The following DOCK3 variants were observed in gnomAD, a reference collection of about 807,000 sequenced individuals.
The protein encoded by DOCK3 is dedicator of cytokinesis 3, also known as dedicator of cytokinesis protein 3.
Under a neutral mutation model 265.6 loss-of-function variants are expected in DOCK3, and 60 were observed. The ratio of observed to expected loss-of-function variants is 0.23; its 90% CI spans 0.18 to 0.28. DOCK3 has a LOEUF of 0.28. Among genes scored for constraint, DOCK3 ranks in the 10% least tolerant of loss-of-function variants. The probability of loss-of-function intolerance (pLI) is 1.00; values close to 1 mark genes in which losing one functional copy is unlikely to be tolerated. For synonymous variants in DOCK3, 881 were observed against 938.0 expected, an observed-to-expected ratio of 0.94 and a Z score of 1.11; for missense variants, 1,981 against 2,594.3, an observed-to-expected ratio of 0.76 and a Z score of 5.14.
intron 1 of DOCK3, among the ~76,000 whole-genome samples, chr3:50,689,366 C>T (rs1178757129): frequency 6.6e-6 from 1 of 152,160 alleles, no homozygotes; most frequent in Non-Finnish European, 1.5e-5. Flanking sequence ...CCTCAGGAAA[C>T]TTACAATCAT....
At chr3:51,249,882 G>T (rs1425212310) in intron 22 of DOCK3, among the ~76,000 whole-genome samples, 1 of 148,138 alleles carries the variant, frequency 6.8e-6, no homozygotes, top group African/African-American at 2.5e-5. Context: ...TGCCGTGTCT[G>T]TGTAGAAAGA....
rs775621773 is a variant in DOCK3 at position 51,237,464 on chromosome 3, G to C, written c.2002-26G>C. Reference sequence around the variant, plus strand: ...AGATCTGAGGCCTCCAGTGAACCCTGATGGCTTACTCTCCATATCTCCCAG... The same window carrying C: ...AGATCTGAGGCCTCCAGTGAACCCTCATGGCTTACTCTCCATATCTCCCAG... On this transcript the variant is annotated intron_variant, in intron 20 of 52. Transcript: ENST00000266037. 3 of 1,567,176 alleles carry C rather than the reference G, an allele frequency of 1.9e-6. No homozygotes were observed. The East Asian group carries it at 6.7e-5, about 35-fold the overall frequency.
At chr3:51,270,699 G>A (rs904443994) in intron 23 of DOCK3, 116 bp from the exon 24 acceptor site, 8 of 1,102,184 alleles carry the variant, frequency 7.3e-6, no homozygotes, top group Non-Finnish European at 1.0e-5. Flanking sequence ...GCCCACCGAA[G>A]GCAGAGATGC....
chr3:51,349,915 T>C (rs1355362130), intron 39 of DOCK3, among the ~76,000 whole-genome samples: 2 of 152,182 alleles, frequency 1.3e-5, no homozygotes, highest in Non-Finnish European at 2.9e-5. Context: ...ACTGGTATAG[T>C]GAGTATTGGT....
chr3:51,196,385 C>T (rs905717261), intron 12 of DOCK3, among the ~76,000 whole-genome samples: 3 of 152,118 alleles, frequency 2.0e-5, no homozygotes, highest in Admixed American at 6.5e-5. Context: ...GTGGAGACGA[C>T]CTTTTTGCAT....
Position 51,277,721 on chromosome 3 carries a change from G to T in DOCK3, c.2790G>T (p.Gly930=), listed in dbSNP as rs1223135230. 6.2e-7 allele frequency: 1 copy of T among 1,612,036 alleles called. No individual in the cohort carries two copies. Among genetic ancestry groups the T allele is most frequent in the Admixed American group, 1.7e-5 (1 of 59,826 alleles). ...CGCACGCTCAGGAGGCGGTAAGAGG[G>T]CAGCGGTGCCCGCAGTGCACAGCCG... ...SKSHAQEAVR[G]QRCPQCTAEI... Residue 930 remains glycine, a synonymous_variant, in exon 26 of 53, where the codon GGG becomes GGT. Transcript: ENST00000266037.
intron 1 of DOCK3, among the ~76,000 whole-genome samples, chr3:50,733,947 A>G (rs1380923969): frequency 6.6e-6 from 1 of 152,178 alleles, no homozygotes; most frequent in Non-Finnish European, 1.5e-5. Context: ...ACAGCTGTTT[A>G]TAGGTGATAA....
intron 1 of DOCK3, among the ~76,000 whole-genome samples, chr3:50,778,407 C>T (rs1269104294): frequency 6.6e-6 from 1 of 152,116 alleles, no homozygotes; most frequent in Non-Finnish European, 1.5e-5. Flanking sequence ...GGGACAGAGA[C>T]TCTGTTAATA....
At chr3:51,243,059 C>T (rs1461633738) in intron 21 of DOCK3, among the ~76,000 whole-genome samples, 1 of 152,182 alleles carries the variant, frequency 6.6e-6, no homozygotes, top group Non-Finnish European at 1.5e-5. Context: ...CTAGGAGAGG[C>T]CAGCCAACCA....
At chr3:50,985,428 C>A (rs935320878) in intron 5 of DOCK3, among the ~76,000 whole-genome samples, 17 of 152,210 alleles carry the variant, frequency 1.1e-4, no homozygotes, top group Middle Eastern at 3.4e-3. Context: ...CTTCCTGTAT[C>A]CTCACATTAA....
chr3:50,808,466 A>C (rs1370108634), intron 2 of DOCK3, among the ~76,000 whole-genome samples: 2 of 152,222 alleles, frequency 1.3e-5, no homozygotes, highest in Non-Finnish European at 2.9e-5. Flanking sequence ...TTTATTATAC[A>C]TTAAGACTGT....
chr3:51,134,616 C>T (rs2084710823), intron 9 of DOCK3, among the ~76,000 whole-genome samples: 1 of 152,102 alleles, frequency 6.6e-6, no homozygotes, highest in African/African-American at 2.4e-5. Context: ...AGTCAGAGTA[C>T]ATGTAGGTAA....
At chr3:51,350,454 A>G (rs1313255433) in intron 40 of DOCK3, 62 bp downstream of exon 40, 3 of 1,551,340 alleles carry the variant, frequency 1.9e-6, no homozygotes, top group African/African-American at 1.4e-5. Flanking sequence ...CTTAAAACCG[A>G]TATTCTTTTC....
chr3:50,766,698 A>G (rs2040902730), intron 1 of DOCK3, among the ~76,000 whole-genome samples: 1 of 152,168 alleles, frequency 6.6e-6, no homozygotes, highest in Non-Finnish European at 1.5e-5. Flanking sequence ...GAATTGCCAC[A>G]CTATCTTCCA....
At chr3:51,254,867 A>C (rs2079460408) in intron 22 of DOCK3, among the ~76,000 whole-genome samples, 1 of 152,280 alleles carries the variant, frequency 6.6e-6, no homozygotes, top group Non-Finnish European at 1.5e-5. Context: ...GCCCATTTAC[A>C]TTTAAGGTTA....
intron 20 of DOCK3, 118 bp from the exon 21 acceptor site, chr3:51,237,372 T>C: frequency 2.6e-6 from 2 of 775,580 alleles, no homozygotes; most frequent in East Asian, 2.7e-5. Context: ...CCATGGGGAA[T>C]GCTAGAGGAC....
At chr3:51,180,201 C>T (rs1173057299) in intron 12 of DOCK3, among the ~76,000 whole-genome samples, 1 of 91,222 alleles carries the variant, frequency 1.1e-5, no homozygotes, top group East Asian at 3.6e-4. Flanking sequence ...GCTCGAGACC[C>T]TGTCTCAAAA....
At chr3:51,317,698 T>C (rs2083451152) in intron 32 of DOCK3, among the ~76,000 whole-genome samples, 1 of 151,294 alleles carries the variant, frequency 6.6e-6, no homozygotes, top group Admixed American at 6.6e-5. Flanking sequence ...AGGTGACAGA[T>C]ATGTTAATTA....
At chr3:51,115,124 T>G (rs1391597281) in intron 9 of DOCK3, among the ~76,000 whole-genome samples, 1 of 152,228 alleles carries the variant, frequency 6.6e-6, no homozygotes, top group East Asian at 1.9e-4. Context: ...TGTGTCTTTA[T>G]AGTAGAATGA....
Sources: gnomAD v4.1 joint callset for allele counts (sites outside exome capture counted in the v4.1 genomes callset) on GRCh38, gnomAD v4.1.1 for gene constraint, MANE v1.5 for transcripts, NCBI Gene and HGNC (gene_info 2026-07-23, HGNC 2026-07-21) for gene names.